The following RECK variants were observed in gnomAD, a reference collection of about 807,000 sequenced individuals.
RECK encodes reversion inducing cysteine rich protein with kazal motifs.
In RECK, 69 loss-of-function variants were observed where a neutral mutation model predicts 115.1. The observed-to-expected ratio is 0.60, with a 90% CI of 0.49 to 0.73. RECK has a LOEUF of 0.73. RECK is among the 30% of genes least tolerant of loss of function. The pLI is 0.00. For missense variants in RECK, 1,047 were observed against 1,203.7 expected, an observed-to-expected ratio of 0.87 and a Z score of 1.93; for synonymous variants, 414 against 419.7, an observed-to-expected ratio of 0.99 and a Z score of 0.17.
rs186479890 is a variant in RECK, at chr9:36,080,543, A to T, written c.406-62A>T. 1,208 of 1,341,370 alleles carry T rather than the reference A, an allele frequency of 9.0e-4. 3 individuals are homozygous for T. Among genetic ancestry groups the T allele is most frequent in the Non-Finnish European group, 6.9e-4 (650 of 945,336 alleles). 83.1% of individuals were successfully genotyped at this position (1,341,370 alleles called of 1,614,324 possible). ...GATTTCCATGTAACCATAAAGTGGA[A>T]TTAAATTACAAATTCTCTCTGGTTG... On this transcript the variant is annotated intron_variant, in intron 6 of 20. Coordinates refer to ENST00000377966, the MANE Select transcript of RECK (RefSeq NM_021111.3).
At chr9:36,088,028 T>C (rs1823031482) in intron 9 of RECK, 67 bp downstream of exon 9, 3 of 1,191,536 alleles carry the variant, frequency 2.5e-6, no homozygotes, top group African/African-American at 3.0e-5. Context: ...ATTTTAAGCC[T>C]AGCAAACGTG....
chr9:36,037,911 C>A (rs1335555691), intron 1 of RECK, among the ~76,000 whole-genome samples: 1 of 150,896 alleles, frequency 6.6e-6, no homozygotes, highest in Admixed American at 6.6e-5. Context: ...GTGATTCCCC[C>A]TAGCTGTACT....
intron 6 of RECK, among the ~76,000 whole-genome samples, chr9:36,076,997 T>C (rs1822476904): frequency 6.6e-6 from 1 of 152,142 alleles, no homozygotes; most frequent in South Asian, 2.1e-4. Context: ...TCCAACTAGA[T>C]AGTGACAGCT....
chr9:36,049,984 A>G (rs1395091696), intron 1 of RECK, among the ~76,000 whole-genome samples: 2 of 152,152 alleles, frequency 1.3e-5, no homozygotes, highest in Admixed American at 1.3e-4. Context: ...GGCTTTTTGG[A>G]CACCATTCTT....
rs375477269 is a variant in RECK at position 36,108,146 on chromosome 9, G to A, written c.1747G>A (p.Val583Ile). Residue 583 changes from valine to isoleucine, a missense_variant, in exon 14 of 21, where the codon GTT becomes ATT. Coordinates refer to ENST00000377966, the MANE Select transcript of RECK (RefSeq NM_021111.3). ...TATAGACCTCCAGAAGTCTTGTATT[G>A]TTGGAGGAAAAAGAAAAAGTGAGTC... is the stretch of plus-strand genomic sequence containing the variant. ...HCIDLQKSCI[V>I]GGKRKSHGTS... 111 of 1,584,216 alleles carry A rather than the reference G, an allele frequency of 7.0e-5. No individual in the cohort carries two copies. The highest frequency in any genetic ancestry group is 5.1e-4 in the Middle Eastern group (3 of 5,900).
Position 36,122,810 on chromosome 9 carries a change from G to C in RECK, c.2695-14G>C, listed in dbSNP as rs756994787. 2 of 1,607,596 alleles carry C rather than the reference G, an allele frequency of 1.2e-6. No individual in the cohort carries two copies. The highest frequency in any genetic ancestry group is 1.7e-6 in the Non-Finnish European group (2 of 1,174,614). The stretch of plus-strand genomic sequence containing the variant: ...TGTGGTTTTATATTAAGGGAACCTT[G>C]TTTCTCCTCACAGATTGAAGCCTGC... On this transcript the variant is annotated splice_polypyrimidine_tract_variant and intron_variant, in intron 20 of 20. Coordinates refer to ENST00000377966, the MANE Select transcript of RECK (RefSeq NM_021111.3).
chr9:36,051,628 A>G (rs1260398057), intron 1 of RECK, among the ~76,000 whole-genome samples: 1 of 152,136 alleles, frequency 6.6e-6, no homozygotes, highest in Non-Finnish European at 1.5e-5. Context: ...ATTCCATCTC[A>G]GTCTCTTTCC....
At chr9:36,069,315 G>A (rs1332249815) in intron 6 of RECK, among the ~76,000 whole-genome samples, 1 of 151,926 alleles carries the variant, frequency 6.6e-6, no homozygotes, top group Non-Finnish European at 1.5e-5. Flanking sequence ...TGAGGCGGGT[G>A]GATCACCTGA....
At chr9:36,040,117 G>A (rs188958545) in intron 1 of RECK, among the ~76,000 whole-genome samples, 13 of 152,276 alleles carry the variant, frequency 8.5e-5, no homozygotes, top group African/African-American at 2.6e-4. Flanking sequence ...CTTATTATAC[G>A]TCAGGCACTG....
At chr9:36,113,773 A>G (rs1183691726) in intron 16 of RECK, among the ~76,000 whole-genome samples, 1 of 152,206 alleles carries the variant, frequency 6.6e-6, no homozygotes, top group Non-Finnish European at 1.5e-5. Flanking sequence ...AGATCAACCT[A>G]ATATCAAAAT....
At position 36,111,526 on chromosome 9, in the gene RECK, T is replaced by C. The variant is rs546653052; in HGVS notation, c.1889-779T>C. ...CTCCTGCCTCAGCCTCCCAAGTAGC[T>C]AGGAACGACAGGCATGCGCCACCAT... On this transcript the variant is annotated intron_variant, in intron 15 of 20. Transcript: ENST00000377966. 2.6e-5 allele frequency among the ~76,000 whole-genome samples: 4 copies of C among 152,280 alleles called. No homozygotes were observed. In the South Asian group the frequency reaches 8.3e-4, roughly 32 times the overall value.
At chr9:36,096,683 G>A (rs561509348) in intron 10 of RECK, among the ~76,000 whole-genome samples, 1 of 152,268 alleles carries the variant, frequency 6.6e-6, no homozygotes, top group Admixed American at 6.5e-5. Flanking sequence ...GCTTCCAGAT[G>A]GATCATAGAA....
At position 36,104,868 on chromosome 9, in the gene RECK, T is replaced by G. The variant is rs1470055075; in HGVS notation, c.1436-275T>G. ...AGATGTAAACTCTATGTTAGAGACT[T>G]GTCTATTTTGTTCATCACTGTATCT... is the stretch of plus-strand genomic sequence containing the variant. On this transcript the variant is annotated intron_variant, in intron 12 of 20. Transcript: ENST00000377966. 2.6e-5 allele frequency among the ~76,000 whole-genome samples: 4 copies of G among 152,216 alleles called. No homozygotes were observed. The East Asian group carries it at 7.7e-4, about 29-fold the overall frequency.
intron 4 of RECK, among the ~76,000 whole-genome samples, chr9:36,061,063 C>A (rs753652340): frequency 1.3e-5 from 2 of 152,096 alleles, no homozygotes; most frequent in East Asian, 3.8e-4. Flanking sequence ...ATTATAATAA[C>A]CTTATAACTG....
chr9:36,083,504 A>C lies in RECK; in HGVS notation c.579A>C (p.Gln193His), dbSNP rs773001582. The C allele has an allele frequency of 1.2e-6, 2 of 1,614,042 alleles. No individual in the cohort carries two copies. Among genetic ancestry groups the C allele is most frequent in the Non-Finnish European group, 1.7e-6 (2 of 1,179,956 alleles). Residue 193 changes from glutamine (Q) to histidine (H), a missense_variant, in exon 8 of 21, where the codon CAA becomes CAC. Gln to His is a conservative substitution (Grantham distance 24). Transcript: ENST00000377966. ...VENYCASISP[Q>H]LIHCVNNYTQ... ...ATTATTGCGCCTCTATTAGTCCACA[A>C]TTAATACATTGTGTGAACAATTATA... is the stretch of plus-strand genomic sequence containing the variant.
Position 36,065,749 on chromosome 9 carries a change from G to T in RECK, c.405+125G>T, listed in dbSNP as rs1406644547. ...TCCCTTTTACCTTACAGAAAATTTT[G>T]CATTGACAAAAATGTCATTTACTGT... On this transcript the variant is annotated intron_variant, in intron 6 of 20. Coordinates refer to ENST00000377966, the MANE Select transcript of RECK (RefSeq NM_021111.3). The T allele has an allele frequency of 5.5e-6, 4 of 722,528 alleles. No individual in the cohort carries two copies. The East Asian group carries it at 1.4e-4, about 25-fold the overall frequency. 44.8% of individuals were successfully genotyped at this position (722,528 alleles called of 1,614,324 possible).
rs373107936 is a variant in RECK at position 36,049,450 on chromosome 9, C to T, written c.101-2815C>T. On this transcript the variant is annotated intron_variant, in intron 1 of 20. Coordinates refer to ENST00000377966, the MANE Select transcript of RECK (RefSeq NM_021111.3). ...CTAATCTTTTGGCTTCCCTGGGCCA[C>T]ACTGGAAGAATTGTCTTATGCCACA... Among the ~76,000 whole-genome samples, 10 of 152,032 alleles carry T rather than the reference C, an allele frequency of 6.6e-5. No homozygotes were observed. In the South Asian group the frequency reaches 1.9e-3, roughly 28 times the overall value.
Position 36,087,851 on chromosome 9 carries a change from T to A in RECK, c.795T>A (p.Leu265=). ...AAGATCCTCTTTGGCAATGTTTTCT[T>A]GAAAGCTCACAATCTGTTCACCCTG... The part of the protein sequence containing the change: ...LPQDPLWQCF[L]ESSQSVHPGV... The change falls in exon 9 of 21, where the codon CTT becomes CTA. Residue 265 remains leucine (L), a synonymous_variant. Transcript: ENST00000377966. 6.2e-7 allele frequency: 1 copy of A among 1,614,026 alleles called. No individual in the cohort carries two copies.
At chr9:36,065,269 A>G (rs1290884316) in intron 5 of RECK, among the ~76,000 whole-genome samples, 1 of 146,310 alleles carries the variant, frequency 6.8e-6, no homozygotes, top group African/African-American at 2.4e-5. Context: ...TCTGATTTAC[A>G]ATTTCCTTCA....
Sources: allele counts gnomAD v4.1 joint callset (sites outside exome capture counted in the v4.1 genomes callset), GRCh38; gene constraint gnomAD v4.1.1; transcripts MANE v1.5; gene names NCBI Gene and HGNC (gene_info 2026-07-23, HGNC 2026-07-21).